PLCL1: variants seen among roughly 807,000 people sequenced by gnomAD.
The protein encoded by PLCL1 is phospholipase C like 1 (inactive).
Under a neutral mutation model 84.4 loss-of-function variants are expected in PLCL1, and 41 were observed. That is an observed-to-expected ratio of 0.49 (90% CI 0.38 to 0.63). PLCL1 has a LOEUF of 0.63. PLCL1 is among the 30% of genes least tolerant of loss of function. The pLI is 0.00. For synonymous variants in PLCL1, 490 were observed against 488.3 expected, an observed-to-expected ratio of 1.00 and a Z score of -0.05; for missense variants, 1,206 against 1,367.8, an observed-to-expected ratio of 0.88 and a Z score of 1.87.
At chr2:198,061,173 G>A (rs925144428) in intron 1 of PLCL1, among the ~76,000 whole-genome samples, 1 of 152,162 alleles carries the variant, frequency 6.6e-6, no homozygotes, top group Admixed American at 6.5e-5. Flanking sequence ...TCAGTGTGTG[G>A]GAGTGAAAGT....
chr2:198,060,491 G>C (rs778644457), intron 1 of PLCL1, among the ~76,000 whole-genome samples: 11 of 152,170 alleles, frequency 7.2e-5, no homozygotes, highest in Non-Finnish European at 1.3e-4. Flanking sequence ...GAATTTTCCT[G>C]CTGAGCTGAC....
At chr2:198,004,138 CT>C (rs138010891) in intron 1 of PLCL1, among the ~76,000 whole-genome samples, 4,742 of 149,808 alleles carry the variant, frequency 0.032, 106 homozygotes, top group Non-Finnish European at 0.045. Context: ...ATATATTTAG[CT>C]TTTTTTTTTA....
intron 1 of PLCL1, among the ~76,000 whole-genome samples, chr2:197,884,614 C>G (rs1687885666): frequency 6.6e-6 from 1 of 152,182 alleles, no homozygotes; most frequent in Non-Finnish European, 1.5e-5. Context: ...AATTCTATCA[C>G]TATCCACCAG....
Position 198,034,664 on chromosome 2 carries a change from T to G in PLCL1, c.241-49094T>G, listed in dbSNP as rs555183489. 5.3e-5 allele frequency among the ~76,000 whole-genome samples: 8 copies of G among 152,324 alleles called. No homozygotes were observed. In the South Asian group the frequency reaches 1.2e-3, roughly 24 times the overall value. On this transcript the variant is annotated intron_variant, in intron 1 of 5. Transcript: ENST00000428675. ...TCTTGTATTATTACCACAATACAATTATCAAAACCTAAAAATTAACATTAA... is the reference window on the plus strand; with the variant it reads ...TCTTGTATTATTACCACAATACAATGATCAAAACCTAAAAATTAACATTAA...
At chr2:198,142,439 T>C (rs551418939) in intron 5 of PLCL1, among the ~76,000 whole-genome samples, 10 of 152,322 alleles carry the variant, frequency 6.6e-5, no homozygotes, top group African/African-American at 2.4e-4. Flanking sequence ...ATTTGCAATC[T>C]AAATTGCATC....
At chr2:198,077,672 T>C (rs537015038) in intron 1 of PLCL1, among the ~76,000 whole-genome samples, 1 of 152,314 alleles carries the variant, frequency 6.6e-6, no homozygotes, top group South Asian at 2.1e-4. Flanking sequence ...ACACTGAAAC[T>C]GCAGCCCAGA....
intron 1 of PLCL1, among the ~76,000 whole-genome samples, chr2:198,000,873 A>G (rs1195584537): frequency 2.0e-5 from 3 of 151,982 alleles, no homozygotes; most frequent in Non-Finnish European, 2.9e-5. Flanking sequence ...TCCTATTCTC[A>G]TGGAGCGGAT....
intron 1 of PLCL1, among the ~76,000 whole-genome samples, chr2:198,035,872 TAA>T (rs1424496661): frequency 1.3e-5 from 2 of 152,054 alleles, no homozygotes; most frequent in Non-Finnish European, 2.9e-5. Context: ...CCATCTCTAC[TAA>T]AAATACAAAA....
At chr2:198,107,785 T>C (rs1693525029) in intron 5 of PLCL1, among the ~76,000 whole-genome samples, 1 of 151,904 alleles carries the variant, frequency 6.6e-6, no homozygotes, top group South Asian at 2.1e-4. Flanking sequence ...ATTGATTTTC[T>C]ATTATTATAA....
chr2:197,982,724 A>T (rs989326408), intron 1 of PLCL1, among the ~76,000 whole-genome samples: 2 of 152,158 alleles, frequency 1.3e-5, no homozygotes, highest in African/African-American at 2.4e-5. Flanking sequence ...ATGTGGGGTA[A>T]CCTGATCTGC....
chr2:198,075,517 CT>C (rs1171455041), intron 1 of PLCL1, among the ~76,000 whole-genome samples: 1 of 152,170 alleles, frequency 6.6e-6, no homozygotes, highest in Non-Finnish European at 1.5e-5. Context: ...GTTCACGTAT[CT>C]CATAACTGCG....
chr2:198,133,136 A>G (rs548744919), intron 5 of PLCL1, among the ~76,000 whole-genome samples: 1 of 152,062 alleles, frequency 6.6e-6, no homozygotes, highest in Non-Finnish European at 1.5e-5. Flanking sequence ...CAAATGTCCA[A>G]CAATGATAGA....
At chr2:197,906,987 T>C (rs1688396662) in intron 1 of PLCL1, among the ~76,000 whole-genome samples, 1 of 152,182 alleles carries the variant, frequency 6.6e-6, no homozygotes, top group Non-Finnish European at 1.5e-5. Context: ...GTTTTCTAAA[T>C]ATACAATCAT....
chr2:197,947,434 C>T (rs1387836358), intron 1 of PLCL1, among the ~76,000 whole-genome samples: 1 of 152,004 alleles, frequency 6.6e-6, no homozygotes, highest in East Asian at 1.9e-4. Flanking sequence ...GCTGCTGCTG[C>T]TCTGGAGACA....
chr2:197,928,765 C>G (rs1688878393), intron 1 of PLCL1, among the ~76,000 whole-genome samples: 1 of 152,092 alleles, frequency 6.6e-6, no homozygotes, highest in African/African-American at 2.4e-5. Flanking sequence ...CAGTCATAAA[C>G]ATGATATTTA....
chr2:198,115,432 G>C (rs1693720914), intron 5 of PLCL1, among the ~76,000 whole-genome samples: 1 of 151,748 alleles, frequency 6.6e-6, no homozygotes, highest in Non-Finnish European at 1.5e-5. Context: ...GGGGAAGAGG[G>C]GTTCTTTGCA....
chr2:197,908,882 T>G (rs1296521060), intron 1 of PLCL1, among the ~76,000 whole-genome samples: 1 of 152,356 alleles, frequency 6.6e-6, no homozygotes, highest in East Asian at 1.9e-4. Context: ...GAATAAAATA[T>G]TCTTATAATT....
chr2:197,947,258 A>ATATATG (rs1268352385), intron 1 of PLCL1, among the ~76,000 whole-genome samples: 8 of 148,206 alleles, frequency 5.4e-5, no homozygotes, highest in Non-Finnish European at 1.2e-4. Flanking sequence ...ATATATATAT[A>ATATATG]TGTATATACA....
intron 1 of PLCL1, among the ~76,000 whole-genome samples, chr2:198,078,885 A>G (rs1481525352): frequency 2.0e-5 from 3 of 152,144 alleles, no homozygotes; most frequent in African/African-American, 7.2e-5. Flanking sequence ...GTTAAAATAT[A>G]CATAACATAA....
Sources: allele counts gnomAD v4.1 joint callset (sites outside exome capture counted in the v4.1 genomes callset), GRCh38; gene constraint gnomAD v4.1.1; transcripts MANE v1.5; gene names NCBI Gene and HGNC (gene_info 2026-07-23, HGNC 2026-07-21).